ROBO1: variants seen among roughly 807,000 people sequenced by gnomAD.
The protein encoded by ROBO1 is roundabout homolog 1.
ROBO1 carries 149 observed loss-of-function variants against 195.9 expected under a neutral mutation model. The ratio of observed to expected loss-of-function variants is 0.76; its 90% CI spans 0.67 to 0.87. ROBO1 has a LOEUF of 0.87. Ranked by LOEUF, ROBO1 falls within the 40% of genes least tolerant of loss-of-function variation. The pLI is 0.00. For synonymous variants in ROBO1, 816 were observed against 733.2 expected, an observed-to-expected ratio of 1.11 and a Z score of -1.82; for missense variants, 1,933 against 2,068.3, an observed-to-expected ratio of 0.93 and a Z score of 1.27.
chr3:79,377,086 T>A (rs1321349132), intron 2 of ROBO1, among the ~76,000 whole-genome samples: 1 of 152,138 alleles, frequency 6.6e-6, no homozygotes, highest in African/African-American at 2.4e-5. Flanking sequence ...GGCAAGTTTT[T>A]CAAGCCACTG....
At chr3:78,911,447 C>T (rs997243796) in intron 4 of ROBO1, among the ~76,000 whole-genome samples, 1 of 151,994 alleles carries the variant, frequency 6.6e-6, no homozygotes, top group Admixed American at 6.6e-5. Context: ...ACGTGCTGAA[C>T]CCCCAAACTC....
At chr3:79,334,581 C>G (rs2034589451) in intron 2 of ROBO1, among the ~76,000 whole-genome samples, 1 of 151,760 alleles carries the variant, frequency 6.6e-6, no homozygotes, top group South Asian at 2.1e-4. Flanking sequence ...GGAGCCCTCT[C>G]TACAGTGAAG....
chr3:79,315,162 C>T lies in ROBO1; in HGVS notation c.89-189623G>A, dbSNP rs552938953. Among the ~76,000 whole-genome samples, 36 of 152,212 alleles carry T rather than the reference C, an allele frequency of 2.4e-4. No individual in the cohort carries two copies. In the South Asian group the frequency reaches 6.4e-3, roughly 27 times the overall value. ...ACACATTTAAACTAGATATTCTAGGCCAAGTGCAGTGACTCATACCTGTAA... is the reference window on the plus strand; with the variant it reads ...ACACATTTAAACTAGATATTCTAGGTCAAGTGCAGTGACTCATACCTGTAA... On this transcript the variant is annotated intron_variant, in intron 2 of 30. Coordinates refer to ENST00000464233, the MANE Select transcript of ROBO1 (RefSeq NM_002941.4).
At chr3:79,355,786 C>T (rs1280208301) in intron 2 of ROBO1, among the ~76,000 whole-genome samples, 1 of 152,048 alleles carries the variant, frequency 6.6e-6, no homozygotes, top group Non-Finnish European at 1.5e-5. Flanking sequence ...ATATATACAT[C>T]ACATTTTCTT....
chr3:79,565,952 G>A lies in ROBO1; in HGVS notation c.88+23872C>T, dbSNP rs911393114. Among the ~76,000 whole-genome samples, 13 of 151,872 alleles carry A rather than the reference G, an allele frequency of 8.6e-5. 1 individual carries two copies. The highest frequency in any genetic ancestry group is 2.4e-4 in the African/African-American group (10 of 41,362). On this transcript the variant is annotated intron_variant, in intron 2 of 30. Transcript: ENST00000464233. ...AAGTCCAATAATTAGTTAACAATAC[G>A]GTTCCCTTCCTGGTGGAACTCTTTG...
chr3:78,644,309 T>A (rs1231575602), intron 21 of ROBO1, among the ~76,000 whole-genome samples: 1 of 152,158 alleles, frequency 6.6e-6, no homozygotes, highest in East Asian at 1.9e-4. Flanking sequence ...TTTCCGCCAC[T>A]ATAATGTAAG....
At chr3:78,657,762 A>G (rs750889489) in intron 17 of ROBO1, among the ~76,000 whole-genome samples, 18 of 152,254 alleles carry the variant, frequency 1.2e-4, no homozygotes, top group Non-Finnish European at 1.2e-4. Flanking sequence ...TCTGGGATCA[A>G]CCTGCCTGGC....
intron 2 of ROBO1, among the ~76,000 whole-genome samples, chr3:79,349,818 C>G (rs2035271384): frequency 6.6e-6 from 1 of 152,028 alleles, no homozygotes; most frequent in African/African-American, 2.4e-5. Context: ...CAAAATGAAT[C>G]AAATGTAAGA....
At chr3:78,720,326 A>G (rs1159197524) in intron 5 of ROBO1, among the ~76,000 whole-genome samples, 1 of 152,268 alleles carries the variant, frequency 6.6e-6, no homozygotes, top group Non-Finnish European at 1.5e-5. Context: ...TTATGCAGCC[A>G]ACAGACACAT....
intron 3 of ROBO1, among the ~76,000 whole-genome samples, chr3:79,012,246 A>G (rs1416280904): frequency 6.6e-6 from 1 of 152,226 alleles, no homozygotes; most frequent in Non-Finnish European, 1.5e-5. Flanking sequence ...ACTATTTCCT[A>G]TATGCTGCAT....
At chr3:79,037,872 G>A (rs1052259011) in intron 3 of ROBO1, among the ~76,000 whole-genome samples, 3 of 152,148 alleles carry the variant, frequency 2.0e-5, no homozygotes, top group African/African-American at 7.2e-5. Flanking sequence ...ACGATAGTTA[G>A]CTATCCCTTT....
intron 4 of ROBO1, among the ~76,000 whole-genome samples, chr3:78,825,861 T>A (rs774513251): frequency 3.3e-4 from 50 of 152,154 alleles, no homozygotes; most frequent in Non-Finnish European, 6.5e-4. Context: ...TCCCAAGGAT[T>A]TTCATTAAAT....
intron 2 of ROBO1, chr3:79,508,085 C>T (rs1044526720): frequency 2.0e-5 from 3 of 151,768 alleles, no homozygotes; most frequent in Admixed American, 6.6e-5. Context: ...AGGGGAACAT[C>T]ACACACTGGG....
intron 21 of ROBO1, among the ~76,000 whole-genome samples, chr3:78,641,154 A>T (rs184119644): frequency 3.2e-4 from 49 of 152,302 alleles, no homozygotes; most frequent in South Asian, 1.5e-3. Flanking sequence ...GGATGAACTC[A>T]TGTGGTCATC....
At chr3:78,777,905 C>G (rs533698642) in intron 4 of ROBO1, among the ~76,000 whole-genome samples, 1 of 152,146 alleles carries the variant, frequency 6.6e-6, no homozygotes, top group African/African-American at 2.4e-5. Context: ...GCATCCTTGC[C>G]TTGTGCCGGT....
intron 1 of ROBO1, among the ~76,000 whole-genome samples, chr3:79,679,656 T>C (rs1048796650): frequency 2.0e-5 from 3 of 152,076 alleles, no homozygotes; most frequent in African/African-American, 7.2e-5. Flanking sequence ...TTTCAGTTTG[T>C]TCTCCTTTTC....
At chr3:78,934,104 A>T (rs2107661215) in intron 4 of ROBO1, among the ~76,000 whole-genome samples, 1 of 152,150 alleles carries the variant, frequency 6.6e-6, no homozygotes, top group South Asian at 2.1e-4. Flanking sequence ...AGATAAGAGG[A>T]TTTGTTTAAA....
chr3:78,683,626 C>CA (rs1278123968), intron 10 of ROBO1, among the ~76,000 whole-genome samples: 2 of 151,850 alleles, frequency 1.3e-5, no homozygotes, highest in Non-Finnish European at 2.9e-5. Flanking sequence ...AATAAGCCCA[C>CA]AAATCTATGT....
intron 2 of ROBO1, among the ~76,000 whole-genome samples, chr3:79,521,704 T>C (rs771985436): frequency 2.0e-5 from 3 of 152,140 alleles, no homozygotes; most frequent in Non-Finnish European, 4.4e-5. Context: ...GCAGATGTTT[T>C]GAAAATGAAG....
Sources: gnomAD v4.1 joint callset for allele counts (sites outside exome capture counted in the v4.1 genomes callset) on GRCh38, gnomAD v4.1.1 for gene constraint, MANE v1.5 for transcripts, NCBI Gene and HGNC (gene_info 2026-07-23, HGNC 2026-07-21) for gene names.